The following NEGR1 variants were observed in gnomAD, a reference collection of about 807,000 sequenced individuals.
The protein encoded by NEGR1 is IgLON family member 4.
A neutral mutation model predicts 40.9 loss-of-function variants in NEGR1; 10 were observed. That is an observed-to-expected ratio of 0.24 (90% CI 0.15 to 0.42). The LOEUF is 0.42. NEGR1 is among the 10% of genes least tolerant of loss of function. The pLI, the probability that NEGR1 is intolerant of heterozygous loss-of-function variation, is 1.00. For missense variants in NEGR1, 352 were observed against 438.9 expected, an observed-to-expected ratio of 0.80 and a Z score of 1.77; for synonymous variants, 185 against 166.8, an observed-to-expected ratio of 1.11 and a Z score of -0.84.
At chr1:71,804,773 T>A (rs1415979523) in intron 2 of NEGR1, among the ~76,000 whole-genome samples, 3 of 152,170 alleles carry the variant, frequency 2.0e-5, no homozygotes, top group Non-Finnish European at 4.4e-5. Flanking sequence ...AAATTGTTTG[T>A]AGAGCATGTG....
chr1:71,514,406 G>T (rs1355605008), intron 6 of NEGR1, among the ~76,000 whole-genome samples: 2 of 98,090 alleles, frequency 2.0e-5, no homozygotes, highest in African/African-American at 4.4e-5. Context: ...CCTCAAGTGG[G>T]TCCCTGACCC....
chr1:71,818,789 C>T (rs766219872), intron 2 of NEGR1, among the ~76,000 whole-genome samples: 91 of 151,774 alleles, frequency 6.0e-4, no homozygotes, highest in Non-Finnish European at 1.0e-3. Context: ...AGCAGAGTGA[C>T]AGCCAAGGAA....
At chr1:71,930,615 C>T (rs1426754158) in intron 2 of NEGR1, among the ~76,000 whole-genome samples, 1 of 152,080 alleles carries the variant, frequency 6.6e-6, no homozygotes, top group East Asian at 1.9e-4. Flanking sequence ...TGTTTGAATG[C>T]CTTTTCACTT....
chr1:72,179,078 T>C (rs1462755197), intron 1 of NEGR1, among the ~76,000 whole-genome samples: 3 of 152,022 alleles, frequency 2.0e-5, no homozygotes, highest in African/African-American at 7.2e-5. Flanking sequence ...CGTCTCTGCC[T>C]GAGCTGATGT....
intron 1 of NEGR1, among the ~76,000 whole-genome samples, chr1:72,078,293 TTCA>T (rs1458531308): frequency 6.6e-6 from 1 of 152,032 alleles, no homozygotes; most frequent in East Asian, 1.9e-4. Context: ...TCTCAGTGAG[TTCA>T]CCTTACTAAA....
intron 2 of NEGR1, among the ~76,000 whole-genome samples, chr1:71,928,067 C>T (rs1400082816): frequency 2.1e-5 from 2 of 94,324 alleles, no homozygotes; most frequent in Non-Finnish European, 2.2e-5. Context: ...TATACACACA[C>T]ACATATGTAC....
At chr1:71,572,142 TAG>T (rs1397811801) in intron 6 of NEGR1, among the ~76,000 whole-genome samples, 1 of 152,212 alleles carries the variant, frequency 6.6e-6, no homozygotes, top group African/African-American at 2.4e-5. Context: ...AGTTATTCAT[TAG>T]AGTTTAAAAC....
rs149632972 is a variant in NEGR1 at position 71,810,051 on chromosome 1, G to A, written c.410-33754C>T. On this transcript the variant is annotated intron_variant, in intron 2 of 6. Transcript: ENST00000357731. Reference sequence around the variant, plus strand: ...AGATGAAGTTGGTTATGAACCATAAGCTGCTCATGTTTGAGGAAATAATAT... The same window carrying A: ...AGATGAAGTTGGTTATGAACCATAAACTGCTCATGTTTGAGGAAATAATAT... Among the ~76,000 whole-genome samples, 460 of 152,210 alleles carry A rather than the reference G, an allele frequency of 3.0e-3. 1 individual carries two copies. Among genetic ancestry groups the A allele is most frequent in the Non-Finnish European group, 5.3e-3 (358 of 68,010 alleles).
rs898819650 is a variant in NEGR1, at chr1:71,404,847, AAAATG to A, written c.*2594_*2598del. The A allele has an allele frequency of 6.6e-6, 1 of 152,242 alleles. No individual in the cohort carries two copies. The highest frequency in any genetic ancestry group is 2.4e-5 in the African/African-American group (1 of 41,434). The allele number at this position is 152,242 out of a possible 1,614,324, so 9.4% of individuals were successfully genotyped here. ...ACAATCTTGTACAGTCAGGACTGAT[AAAATG>A]GGGTAATCAGACATTTTATATGTCC... On this transcript the variant is annotated 3_prime_UTR_variant, in exon 7 of 7. Transcript: ENST00000357731.
rs1651659428 is a variant in NEGR1 at position 72,163,406 on chromosome 1, ACTTG to A, written c.176+118909_176+118912del. Among the ~76,000 whole-genome samples the A allele has an allele frequency of 1.3e-5, 2 of 151,998 alleles. 1 individual carries two copies. Among genetic ancestry groups the A allele is most frequent in the Non-Finnish European group, 2.9e-5 (2 of 67,962 alleles). ...GATGTTATTTTTTGCTTTTTCTTTT[ACTTG>A]CTTTCTTTCTACCATGCGCTACATG... On this transcript the variant is annotated intron_variant, in intron 1 of 6. Coordinates refer to ENST00000357731, the MANE Select transcript of NEGR1 (RefSeq NM_173808.3).
chr1:71,776,924 C>G (rs1656532710), intron 2 of NEGR1, among the ~76,000 whole-genome samples: 1 of 152,098 alleles, frequency 6.6e-6, no homozygotes, highest in Admixed American at 6.6e-5. Flanking sequence ...CTGGCAAACA[C>G]TGGTTGAAAC....
intron 2 of NEGR1, among the ~76,000 whole-genome samples, chr1:71,933,165 C>T (rs758083463): frequency 2.6e-5 from 4 of 151,974 alleles, no homozygotes; most frequent in Non-Finnish European, 4.4e-5. Flanking sequence ...TCACCATCGT[C>T]TAATGACCAG....
intron 1 of NEGR1, among the ~76,000 whole-genome samples, chr1:72,239,662 C>A (rs1027875593): frequency 2.0e-5 from 3 of 151,286 alleles, no homozygotes; most frequent in African/African-American, 7.3e-5. Context: ...CAGGATAAAC[C>A]ATTTAAATTA....
intron 6 of NEGR1, among the ~76,000 whole-genome samples, chr1:71,425,531 C>A (rs1210483765): frequency 6.6e-6 from 1 of 152,076 alleles, no homozygotes; most frequent in Non-Finnish European, 1.5e-5. Context: ...ACTTATAAAT[C>A]CGGGATTACT....
intron 1 of NEGR1, among the ~76,000 whole-genome samples, chr1:71,938,420 T>G (rs1645929742): frequency 6.6e-6 from 1 of 151,168 alleles, no homozygotes; most frequent in South Asian, 2.1e-4. Context: ...GTTTTTTTTT[T>G]TTTTTTTTTT....
chr1:72,125,931 T>G (rs550721429), intron 1 of NEGR1, among the ~76,000 whole-genome samples: 1 of 152,264 alleles, frequency 6.6e-6, no homozygotes, highest in East Asian at 1.9e-4. Flanking sequence ...TCTAGAATTT[T>G]TATTACATTC....
intron 1 of NEGR1, among the ~76,000 whole-genome samples, chr1:72,262,441 T>C (rs1057321045): frequency 2.0e-5 from 3 of 152,030 alleles, no homozygotes; most frequent in Admixed American, 2.0e-4. Flanking sequence ...TATTAAAAAC[T>C]ATTTTCTTCT....
intron 6 of NEGR1, among the ~76,000 whole-genome samples, chr1:71,524,565 A>G (rs1394922231): frequency 6.6e-6 from 1 of 151,680 alleles, no homozygotes; most frequent in East Asian, 1.9e-4. Context: ...TAGGTTCTGA[A>G]GGAAAATATT....
intron 6 of NEGR1, among the ~76,000 whole-genome samples, chr1:71,591,787 T>G (rs1649507360): frequency 6.6e-6 from 1 of 152,090 alleles, no homozygotes; most frequent in South Asian, 2.1e-4. Context: ...ATTCTTAAAT[T>G]ATGGTAATGT....
Sources: allele counts gnomAD v4.1 joint callset (sites outside exome capture counted in the v4.1 genomes callset), GRCh38; gene constraint gnomAD v4.1.1; transcripts MANE v1.5; gene names NCBI Gene and HGNC (gene_info 2026-07-23, HGNC 2026-07-21).